Variants in GRM8 observed in about 807,000 individuals in gnomAD.
The protein encoded by GRM8 is metabotropic glutamate receptor 8.
GRM8 carries 47 observed loss-of-function variants against 87.2 expected under a neutral mutation model. That is an observed-to-expected ratio of 0.54 (90% CI 0.43 to 0.69). The LOEUF (loss-of-function observed/expected upper bound fraction) is 0.69, where lower values mean the gene tolerates loss of function less well. Ranked by LOEUF, GRM8 falls within the 30% of genes least tolerant of loss-of-function variation. The pLI, the probability that GRM8 is intolerant of heterozygous loss-of-function variation, is 0.00. For synonymous variants in GRM8, 396 were observed against 404.5 expected, an observed-to-expected ratio of 0.98 and a Z score of 0.25; for missense variants, 1,019 against 1,139.2, an observed-to-expected ratio of 0.89 and a Z score of 1.52.
rs773017336 is a variant in GRM8 at position 126,755,743 on chromosome 7, AT to A, written c.1357+14121del. Among the ~76,000 whole-genome samples the A allele has an allele frequency of 4.0e-5, 5 of 125,146 alleles. No individual in the cohort carries two copies. In the South Asian group the frequency reaches 1.2e-3, roughly 30 times the overall value. The allele number at this position is 125,146 out of a possible 152,430, so 82.1% of individuals were successfully genotyped here. On this transcript the variant is annotated intron_variant, in intron 7 of 10. Coordinates refer to ENST00000339582, the MANE Select transcript of GRM8 (RefSeq NM_000845.3). The stretch of plus-strand genomic sequence containing the variant: ...CTAGAGAATTAGCTGGGAGAGTATG[AT>A]TTTCTTCTTTCTCCTCAGTGCCTAG...
intron 9 of GRM8, among the ~76,000 whole-genome samples, chr7:126,514,471 G>A (rs1425273655): frequency 6.6e-6 from 1 of 152,068 alleles, no homozygotes; most frequent in Non-Finnish European, 1.5e-5. Flanking sequence ...AAAAATGGGT[G>A]AATATTTATG....
At chr7:126,639,738 C>T (rs770056879) in intron 7 of GRM8, among the ~76,000 whole-genome samples, 16 of 152,172 alleles carry the variant, frequency 1.1e-4, no homozygotes, top group Non-Finnish European at 1.6e-4. Flanking sequence ...ATACTGATCA[C>T]GATTAAATGA....
intron 3 of GRM8, among the ~76,000 whole-genome samples, chr7:127,062,657 T>C (rs1411056933): frequency 2.0e-5 from 3 of 152,166 alleles, no homozygotes; most frequent in Admixed American, 6.5e-5. Flanking sequence ...CTTTTTTTGG[T>C]TGGTAGGCTA....
chr7:126,969,936 T>C (rs1810247726), intron 3 of GRM8, among the ~76,000 whole-genome samples: 1 of 152,176 alleles, frequency 6.6e-6, no homozygotes, highest in Non-Finnish European at 1.5e-5. Context: ...CTTGTGTATG[T>C]CCATCTGAGC....
At chr7:126,484,875 G>A (rs1016475222) in intron 9 of GRM8, among the ~76,000 whole-genome samples, 4 of 117,262 alleles carry the variant, frequency 3.4e-5, no homozygotes, top group Admixed American at 8.7e-5. Flanking sequence ...ATCGTTAAAC[G>A]TTTTTTGTTT....
At chr7:126,939,233 T>C (rs530067340) in intron 3 of GRM8, among the ~76,000 whole-genome samples, 22 of 152,310 alleles carry the variant, frequency 1.4e-4, no homozygotes, top group South Asian at 4.1e-4. Flanking sequence ...ACCATGTGTA[T>C]TGATACCTTA....
chr7:127,058,476 T>C (rs1377432803), intron 3 of GRM8, among the ~76,000 whole-genome samples: 1 of 152,206 alleles, frequency 6.6e-6, no homozygotes, highest in East Asian at 1.9e-4. Flanking sequence ...GATAAACATT[T>C]ATAAATGTTA....
At chr7:126,871,437 C>A (rs1469366337) in intron 6 of GRM8, among the ~76,000 whole-genome samples, 1 of 152,082 alleles carries the variant, frequency 6.6e-6, no homozygotes, top group Admixed American at 6.6e-5. Flanking sequence ...TATGAATAAC[C>A]TTGATAAAAT....
At chr7:126,789,946 T>G (rs192893766) in intron 6 of GRM8, among the ~76,000 whole-genome samples, 5 of 152,270 alleles carry the variant, frequency 3.3e-5, no homozygotes, top group African/African-American at 1.2e-4. Context: ...TGTTGTACTA[T>G]GAAATCCAAC....
chr7:127,207,131 T>C lies in GRM8; in HGVS notation c.510+35564A>G, dbSNP rs557319784. 4.6e-5 allele frequency among the ~76,000 whole-genome samples: 7 copies of C among 152,338 alleles called. No individual in the cohort carries two copies. The South Asian group carries it at 8.3e-4, about 18-fold the overall frequency. ...GAGGAAGAGCAGACTTGGGGAGATATATGGTTAACTGCACACTAATTTATA... is the reference window on the plus strand; with the variant it reads ...GAGGAAGAGCAGACTTGGGGAGATACATGGTTAACTGCACACTAATTTATA... On this transcript the variant is annotated intron_variant, in intron 2 of 10. Coordinates refer to ENST00000339582, the MANE Select transcript of GRM8 (RefSeq NM_000845.3).
intron 8 of GRM8, among the ~76,000 whole-genome samples, chr7:126,600,984 G>T (rs1372320711): frequency 1.3e-5 from 2 of 151,714 alleles, no homozygotes; most frequent in Non-Finnish European, 2.9e-5. Flanking sequence ...ACATTGTGCA[G>T]GTTAGTTACA....
intron 3 of GRM8, among the ~76,000 whole-genome samples, chr7:127,054,666 T>C (rs1819811639): frequency 6.6e-6 from 1 of 152,138 alleles, no homozygotes; most frequent in South Asian, 2.1e-4. Flanking sequence ...GGAAAAAGAA[T>C]TGAGCCACAG....
intron 3 of GRM8, among the ~76,000 whole-genome samples, chr7:126,920,027 T>C (rs1458996136): frequency 6.6e-6 from 1 of 152,178 alleles, no homozygotes; most frequent in Non-Finnish European, 1.5e-5. Context: ...GATGTGATAG[T>C]ATTACCTTTA....
chr7:127,129,231 GC>G (rs1240002827), intron 2 of GRM8, among the ~76,000 whole-genome samples: 1 of 152,060 alleles, frequency 6.6e-6, no homozygotes, highest in Non-Finnish European at 1.5e-5. Flanking sequence ...AAAATTATTA[GC>G]CTTTCAGTTG....
chr7:126,525,210 A>G (rs1813651631), intron 9 of GRM8, among the ~76,000 whole-genome samples: 1 of 152,192 alleles, frequency 6.6e-6, no homozygotes, highest in Non-Finnish European at 1.5e-5. Context: ...AGATGCATGG[A>G]TATTGGCAAG....
At chr7:126,872,781 C>T (rs1397264105) in intron 6 of GRM8, among the ~76,000 whole-genome samples, 1 of 152,126 alleles carries the variant, frequency 6.6e-6, no homozygotes. Context: ...TATCACTCCT[C>T]TTGGTCCACC....
chr7:126,766,957 T>C (rs1174755401), intron 7 of GRM8, among the ~76,000 whole-genome samples: 2 of 152,130 alleles, frequency 1.3e-5, no homozygotes, highest in Admixed American at 6.6e-5. Context: ...CGAAGAGCAA[T>C]GATATGTGTG....
intron 6 of GRM8, among the ~76,000 whole-genome samples, chr7:126,857,708 A>C (rs10225203): frequency 0.027 from 4,094 of 152,244 alleles, 182 homozygotes; most frequent in African/African-American, 0.093. Flanking sequence ...CTTCATCTCA[A>C]GGCTGCACAG....
chr7:126,693,710 G>A (rs187249650), intron 7 of GRM8, among the ~76,000 whole-genome samples: 87 of 152,178 alleles, frequency 5.7e-4, no homozygotes, highest in Admixed American at 5.2e-4. Flanking sequence ...ATATTTTGCC[G>A]AATTATTTTC....
Sources: gnomAD v4.1 joint callset for allele counts (sites outside exome capture counted in the v4.1 genomes callset) on GRCh38, gnomAD v4.1.1 for gene constraint, MANE v1.5 for transcripts, NCBI Gene and HGNC (gene_info 2026-07-23, HGNC 2026-07-21) for gene names.